Variants in ST7L observed in about 807,000 individuals in gnomAD.
ST7L encodes the protein suppression of tumorigenicity 7 like.
ST7L carries 57 observed loss-of-function variants against 72.5 expected under a neutral mutation model. The observed-to-expected ratio is 0.79, with a 90% CI of 0.64 to 0.98. The LOEUF is 0.98. Among genes scored for constraint, ST7L ranks in the 50% least tolerant of loss-of-function variants. The probability of loss-of-function intolerance (pLI) is 0.00; values close to 1 mark genes in which losing one functional copy is unlikely to be tolerated. For synonymous variants in ST7L, 221 were observed against 240.9 expected (o/e 0.92, Z 0.77); for missense variants, 576 against 672.2 (o/e 0.86, Z 1.58).
intron 2 of ST7L, among the ~76,000 whole-genome samples, chr1:112,611,741 G>A (rs961009339): frequency 3.9e-5 from 6 of 152,110 alleles, no homozygotes; most frequent in East Asian, 1.9e-4. Flanking sequence ...AAGAAGAATC[G>A]CTTGAGCCCA....
chr1:112,529,835 T>G (rs1654085772), intron 14 of ST7L: 1 of 151,646 alleles, frequency 6.6e-6, no homozygotes, highest in African/African-American at 2.4e-5. Flanking sequence ...AGGAGCTCAG[T>G]GGAACTGGGG....
chr1:112,528,627 G>A (rs1263862497), intron 14 of ST7L: 1 of 152,188 alleles, frequency 6.6e-6, no homozygotes, highest in Non-Finnish European at 1.5e-5. Flanking sequence ...CATTAATGTA[G>A]GCTTACAGGC....
intron 1 of ST7L, 31 bp downstream of exon 1, chr1:112,618,878 C>T: frequency 6.5e-7 from 1 of 1,549,402 alleles, no homozygotes; most frequent in Non-Finnish European, 8.7e-7. Flanking sequence ...CCTGGCCCCC[C>T]GCCCTGCCCC....
chr1:112,561,340 G>A (rs1660088697), intron 11 of ST7L, among the ~76,000 whole-genome samples: 2 of 141,250 alleles, frequency 1.4e-5, no homozygotes, highest in African/African-American at 5.4e-5. Context: ...GCTAAGGCAG[G>A]AGGATAGCTG....
chr1:112,608,003 C>G (rs1024422668), intron 3 of ST7L, among the ~76,000 whole-genome samples: 2 of 152,088 alleles, frequency 1.3e-5, no homozygotes, highest in African/African-American at 4.8e-5. Context: ...CAAAAGCATG[C>G]TTTAATTCAC....
intron 5 of ST7L, among the ~76,000 whole-genome samples, chr1:112,596,902 G>A (rs1340893404): frequency 2.0e-5 from 3 of 152,174 alleles, no homozygotes; most frequent in Non-Finnish European, 4.4e-5. Flanking sequence ...CTCCCAAAGT[G>A]CTGGGATTAC....
intron 13 of ST7L, among the ~76,000 whole-genome samples, chr1:112,546,384 C>T (rs7544663): frequency 0.5 from 74,815 of 150,166 alleles, 18,940 homozygotes; most frequent in East Asian, 0.64. Context: ...TCTGTATTGT[C>T]TGCCTGAACT....
Position 112,581,968 on chromosome 1 carries a change from A to G in ST7L, c.1069+24T>C, listed in dbSNP as rs757221990. 7 of 1,363,358 alleles carry G rather than the reference A, an allele frequency of 5.1e-6. No homozygotes were observed. The Admixed American group carries it at 1.0e-4, about 20-fold the overall frequency. The allele number at this position is 1,363,358 out of a possible 1,614,324, so 84.5% of individuals were successfully genotyped here. A position where few individuals can be genotyped will look rare whatever the true frequency, so the allele number is the denominator to read the frequency against. ...ATAATTGGAAAAGAATAACCATGCT[A>G]TCAACTAAGGGAATATGACTCACCA... On this transcript the variant is annotated intron_variant, in intron 9 of 14. Transcript: ENST00000358039.
intron 11 of ST7L, chr1:112,571,350 A>T (rs1402946628): frequency 2.2e-5 from 10 of 456,218 alleles, no homozygotes; most frequent in South Asian, 1.6e-4. Flanking sequence ...GTAAATTTCT[A>T]CCTATAAATA....
At chr1:112,562,688 T>G (rs1660369404) in intron 11 of ST7L, among the ~76,000 whole-genome samples, 1 of 151,864 alleles carries the variant, frequency 6.6e-6, no homozygotes, top group African/African-American at 2.4e-5. Context: ...TGGCAAAGAG[T>G]AAGGCTGGAG....
chr1:112,600,929 T>C (rs565074729), intron 3 of ST7L, 81 bp from the exon 4 acceptor site: 2 of 1,255,608 alleles, frequency 1.6e-6, no homozygotes, highest in Non-Finnish European at 1.1e-6. Context: ...CTACCCACTG[T>C]AGGCTAATCA....
At chr1:112,584,175 GT>G in intron 6 of ST7L, 49 bp from the exon 7 acceptor site, 1 of 1,558,644 alleles carries the variant, frequency 6.4e-7, no homozygotes, top group Non-Finnish European at 8.7e-7. Context: ...TAAAGCAAGT[GT>G]TTTCTCTTGG....
intron 14 of ST7L, 89 bp from the exon 15 acceptor site, chr1:112,526,200 G>T (rs984737382): frequency 2.9e-5 from 45 of 1,571,640 alleles, no homozygotes; most frequent in Non-Finnish European, 3.9e-5. Context: ...GTTTACAAAG[G>T]AACAGCCTAG....
chr1:112,584,231 T>A, intron 6 of ST7L, 105 bp from the exon 7 acceptor site: 2 of 1,184,916 alleles, frequency 1.7e-6, no homozygotes, highest in Non-Finnish European at 2.2e-6. Flanking sequence ...CTACACTTTT[T>A]CCATCTTTAG....
At chr1:112,617,776 T>A (rs1670143029) in intron 1 of ST7L, among the ~76,000 whole-genome samples, 1 of 150,130 alleles carries the variant, frequency 6.7e-6, no homozygotes, top group African/African-American at 2.4e-5. Context: ...AAAAGAAAAA[T>A]CTATAGTAAT....
At chr1:112,535,126 AC>A (rs1654969933) in intron 14 of ST7L, among the ~76,000 whole-genome samples, 1 of 152,200 alleles carries the variant, frequency 6.6e-6, no homozygotes, top group Admixed American at 6.5e-5. Flanking sequence ...TAATCCCAGC[AC>A]TTTGGGAGGC....
At chr1:112,568,556 C>T (rs1002477518) in intron 11 of ST7L, among the ~76,000 whole-genome samples, 1 of 150,766 alleles carries the variant, frequency 6.6e-6, no homozygotes, top group Non-Finnish European at 1.5e-5. Context: ...AGGATGGTCT[C>T]GATCTCCTGA....
intron 13 of ST7L, among the ~76,000 whole-genome samples, chr1:112,546,362 GAT>G (rs1657075608): frequency 1.3e-5 from 2 of 150,432 alleles, no homozygotes; most frequent in Admixed American, 1.3e-4. Flanking sequence ...GTGGGATTGA[GAT>G]ATTATTCATT....
chr1:112,556,985 C>CAAAAAAAAAAAAAAAAAAAA lies in ST7L; in HGVS notation c.1246-968_1246-967insTTTTTTTTTTTTTTTTTTTT, dbSNP rs1196828305. ...CTGTCTCAAAAAAAAAAAAAAAAAA[C>CAAAAAAAAAAAAAAAAAAAA]AAAAAAAAAAAAACACAAAGAAAAG... On this transcript the variant is annotated intron_variant, in intron 11 of 14. Coordinates refer to ENST00000358039, the MANE Select transcript of ST7L (RefSeq NM_017744.5). 1.1e-4 allele frequency among the ~76,000 whole-genome samples: 9 copies of CAAAAAAAAAAAAAAAAAAAA among 82,108 alleles called. 1 individual carries two copies. The highest frequency in any genetic ancestry group is 1.8e-4 in the Non-Finnish European group (8 of 43,264). 53.9% of individuals were successfully genotyped at this position (82,108 alleles called of 152,430 possible).
Sources: gnomAD v4.1 joint callset for allele counts (sites outside exome capture counted in the v4.1 genomes callset) on GRCh38, gnomAD v4.1.1 for gene constraint, MANE v1.5 for transcripts, NCBI Gene and HGNC (gene_info 2026-07-23, HGNC 2026-07-21) for gene names.